KDM4B: variants seen among roughly 807,000 people sequenced by gnomAD.
The protein encoded by KDM4B is lysine-specific demethylase 4B.
In KDM4B, 32 loss-of-function variants were observed where a neutral mutation model predicts 125.2. The ratio of observed to expected loss-of-function variants is 0.26; its 90% CI spans 0.19 to 0.34. KDM4B has a LOEUF of 0.34. Among genes scored for constraint, KDM4B ranks in the 10% least tolerant of loss-of-function variants. The pLI is 1.00. For synonymous variants in KDM4B, 721 were observed against 677.9 expected (o/e 1.06, Z -0.99); for missense variants, 1,190 against 1,577.7 (o/e 0.75, Z 4.16).
chr19:5,141,730 A>T lies in KDM4B; in HGVS notation c.2551-2237A>T, dbSNP rs1420304777. On this transcript the variant is annotated intron_variant, in intron 18 of 22. Transcript: ENST00000159111. This position sits in a 1 kb window ranked among gnomAD's most constrained non-coding sequence, Gnocchi z 6.4. ...CTCCGGCTGGCCGCCCGCCTGGGCCAAGTTATCACCACGTTCTCAAGGCCG... is the reference window on the plus strand; with the variant it reads ...CTCCGGCTGGCCGCCCGCCTGGGCCTAGTTATCACCACGTTCTCAAGGCCG... 6.6e-6 allele frequency among the ~76,000 whole-genome samples: 1 copy of T among 152,168 alleles called. No individual in the cohort carries two copies.
intron 1 of KDM4B, among the ~76,000 whole-genome samples, chr19:5,007,193 A>G (rs2035587581): frequency 6.6e-6 from 1 of 152,234 alleles, no homozygotes; most frequent in Admixed American, 6.5e-5. Flanking sequence ...CAGGACTGGA[A>G]TATGAATGGC....
At position 5,044,474 on chromosome 19, in the gene KDM4B, A is replaced by G. The variant is rs139460092; in HGVS notation, c.433-3002A>G. 5.7e-3 allele frequency among the ~76,000 whole-genome samples: 868 copies of G among 152,282 alleles called. 9 individuals carry two copies. Among genetic ancestry groups the G allele is most frequent in the African/African-American group, 0.02 (818 of 41,524 alleles). ...TATCCCGCGCAGTGTTGATCAGTTC[A>G]TCCGCTGACGGACATTTGGGCTGTG... On this transcript the variant is annotated intron_variant, in intron 5 of 22. Coordinates refer to ENST00000159111, the MANE Select transcript of KDM4B (RefSeq NM_015015.3).
intron 6 of KDM4B, among the ~76,000 whole-genome samples, chr19:5,049,786 G>A (rs762790426): frequency 2.1e-4 from 32 of 152,126 alleles, no homozygotes; most frequent in African/African-American, 3.1e-4. Context: ...TGGTCACCCC[G>A]TGTCCCAGCT....
Position 5,047,441 on chromosome 19 carries a change from C to CG in KDM4B, c.433-32dup, listed in dbSNP as rs144446349. ...AGGGCTCGCAGGTTCTGGGGGTGGC[C>CG]GGGCGGTTGCCGACGCTGCTCTGCC... On this transcript the variant is annotated intron_variant, in intron 5 of 22. Transcript: ENST00000159111. The CG allele has an allele frequency of 1.6e-5, 25 of 1,566,660 alleles. No homozygotes were observed. In the African/African-American group the frequency reaches 3.4e-4, roughly 21 times the overall value.
chr19:5,111,286 C>A, intron 10 of KDM4B: 1 of 699,286 alleles, frequency 1.4e-6, no homozygotes, highest in Non-Finnish European at 2.6e-6. Flanking sequence ...AACGGGGCAT[C>A]AGGTGGGGCT....
chr19:5,127,741 G>T lies in KDM4B; in HGVS notation c.1316-3335G>T, dbSNP rs527929879. On this transcript the variant is annotated intron_variant, in intron 11 of 22. Coordinates refer to ENST00000159111, the MANE Select transcript of KDM4B (RefSeq NM_015015.3). ...AGGAGGAGGGAGAGAGCCCTACAGTGTGGCCCTTGGTGAGAGGACAGCCCC... is the reference window on the plus strand; with the variant it reads ...AGGAGGAGGGAGAGAGCCCTACAGTTTGGCCCTTGGTGAGAGGACAGCCCC... 8.2e-4 allele frequency among the ~76,000 whole-genome samples: 125 copies of T among 152,320 alleles called. 2 individuals are homozygous for T. Among genetic ancestry groups the T allele is most frequent in the Non-Finnish European group, 1.1e-3 (75 of 68,016 alleles).
At chr19:5,111,614 G>A in intron 10 of KDM4B, 1 of 711,830 alleles carries the variant, frequency 1.4e-6, no homozygotes, top group Non-Finnish European at 2.6e-6. Flanking sequence ...GCTGCCCTTG[G>A]CACAGTTGTC....
chr19:4,972,764 A>G (rs1419510563), intron 1 of KDM4B, among the ~76,000 whole-genome samples: 1 of 151,986 alleles, frequency 6.6e-6, no homozygotes, highest in Non-Finnish European at 1.5e-5. Flanking sequence ...CCTATTTGCA[A>G]ACTGTGTCCC....
intron 6 of KDM4B, among the ~76,000 whole-genome samples, chr19:5,057,636 T>A (rs1183627107): frequency 1.3e-5 from 2 of 152,198 alleles, no homozygotes; most frequent in African/African-American, 2.4e-5. Flanking sequence ...TGCCCCTGGC[T>A]CCACGTCCTT....
At chr19:5,096,233 C>T (rs921610058) in intron 9 of KDM4B, among the ~76,000 whole-genome samples, 2 of 151,838 alleles carry the variant, frequency 1.3e-5, no homozygotes, top group Admixed American at 6.6e-5. Flanking sequence ...ACTACAGGTG[C>T]GCCACCACAC....
intron 2 of KDM4B, among the ~76,000 whole-genome samples, chr19:5,026,810 C>T (rs994745538): frequency 5.9e-5 from 9 of 152,338 alleles, no homozygotes; most frequent in African/African-American, 2.2e-4. Flanking sequence ...AAGAGAAATT[C>T]AAACAATAGT....
At chr19:5,120,082 C>A (rs916667101) in intron 11 of KDM4B, among the ~76,000 whole-genome samples, 1 of 152,198 alleles carries the variant, frequency 6.6e-6, no homozygotes, top group South Asian at 2.1e-4. Context: ...AGAGGCCAGG[C>A]GCAGTGGCTC....
At chr19:5,017,839 C>G (rs1255837408) in intron 2 of KDM4B, among the ~76,000 whole-genome samples, 1 of 151,512 alleles carries the variant, frequency 6.6e-6, no homozygotes. Context: ...CTCCCGGGTT[C>G]ACGCCATTCT....
chr19:5,136,020 G>T lies in KDM4B; in HGVS notation c.2308+459G>T, dbSNP rs143173070. On this transcript the variant is annotated intron_variant, in intron 15 of 22. Transcript: ENST00000159111. Reference sequence around the variant, plus strand: ...GGGCCAGGCACCCCGTCTCTCCGCAGGCTGTGTTCCCTGAGAATGGCTGTC... The same window carrying T: ...GGGCCAGGCACCCCGTCTCTCCGCATGCTGTGTTCCCTGAGAATGGCTGTC... Among the ~76,000 whole-genome samples the T allele has an allele frequency of 7.7e-4, 118 of 152,374 alleles. 1 individual carries two copies. Among genetic ancestry groups the T allele is most frequent in the Non-Finnish European group, 1.5e-3 (99 of 68,038 alleles).
intron 11 of KDM4B, among the ~76,000 whole-genome samples, chr19:5,120,670 T>G (rs146962188): frequency 2.0e-3 from 306 of 152,306 alleles, no homozygotes; most frequent in Non-Finnish European, 2.6e-3. Context: ...GCATTTTGTT[T>G]CTGGTGACTG....
intron 15 of KDM4B, among the ~76,000 whole-genome samples, chr19:5,135,825 G>A (rs1474549839): frequency 1.3e-5 from 2 of 152,222 alleles, no homozygotes; most frequent in Non-Finnish European, 2.9e-5. Flanking sequence ...CCACCCTGGG[G>A]CAGGACAGGG....
chr19:5,128,729 G>C (rs1182742880), intron 11 of KDM4B, among the ~76,000 whole-genome samples: 1 of 148,976 alleles, frequency 6.7e-6, no homozygotes, highest in African/African-American at 2.5e-5. Context: ...CTCCCAGGGA[G>C]GGGGTGCCTC....
At chr19:4,985,384 T>C (rs1383056704) in intron 1 of KDM4B, among the ~76,000 whole-genome samples, 2 of 152,116 alleles carry the variant, frequency 1.3e-5, no homozygotes, top group Non-Finnish European at 2.9e-5. Context: ...GCTGCCGTCA[T>C]CTCCAGTGAG....
In KDM4B at chr19:5,081,198, G is replaced by A. The variant is rs775698481; in HGVS notation, c.781-1169G>A. The stretch of plus-strand genomic sequence containing the variant: ...AGCCCACTTGACTTCAAGGATTCTA[G>A]TTCATGAGCCTCAGTTTCCACGTCT... On this transcript the variant is annotated intron_variant, in intron 8 of 22. Coordinates refer to ENST00000159111, the MANE Select transcript of KDM4B (RefSeq NM_015015.3). The surrounding 1 kb of genome is among the most constrained non-coding windows in gnomAD (Gnocchi z 4.2). Among the ~76,000 whole-genome samples the A allele has an allele frequency of 5.9e-5, 9 of 152,198 alleles. No homozygotes were observed. Among genetic ancestry groups the A allele is most frequent in the Admixed American group, 4.6e-4 (7 of 15,282 alleles).
Sources: allele counts gnomAD v4.1 joint callset (sites outside exome capture counted in the v4.1 genomes callset), GRCh38; gene constraint gnomAD v4.1.1; non-coding constraint Gnocchi (gnomAD v3.1); transcripts MANE v1.5; gene names NCBI Gene and HGNC (gene_info 2026-07-23, HGNC 2026-07-21).